The following SUGCT variants were observed in gnomAD, a reference collection of about 807,000 sequenced individuals.
SUGCT encodes succinyl-CoA:glutarate CoA-transferase.
A neutral mutation model predicts 55.0 loss-of-function variants in SUGCT; 41 were observed. The observed-to-expected ratio is 0.74, with a 90% CI of 0.58 to 0.97. SUGCT has a LOEUF of 0.97. SUGCT is among the 50% of genes least tolerant of loss of function. The pLI is 0.00. For synonymous variants in SUGCT, 187 were observed against 200.4 expected (o/e 0.93, Z 0.56); for missense variants, 568 against 547.8 (o/e 1.04, Z -0.37).
intron 13 of SUGCT, among the ~76,000 whole-genome samples, chr7:40,751,579 C>T (rs973691602): frequency 2.0e-5 from 3 of 152,016 alleles, no homozygotes; most frequent in Non-Finnish European, 4.4e-5. Context: ...ATGAAGAATC[C>T]GTAGCTAACA....
chr7:40,159,239 G>A (rs576567077), intron 1 of SUGCT, among the ~76,000 whole-genome samples: 2 of 151,526 alleles, frequency 1.3e-5, no homozygotes, highest in East Asian at 2.0e-4. Flanking sequence ...CTTTATGTCC[G>A]GTTTTTACAC....
At chr7:40,205,265 C>A (rs886827274) in intron 6 of SUGCT, among the ~76,000 whole-genome samples, 2 of 150,338 alleles carry the variant, frequency 1.3e-5, no homozygotes, top group East Asian at 4.0e-4. Flanking sequence ...AACAAAACAA[C>A]AAAACAAAAA....
chr7:40,343,332 C>G (rs1451496404), intron 9 of SUGCT, among the ~76,000 whole-genome samples: 2 of 151,822 alleles, frequency 1.3e-5, no homozygotes, highest in African/African-American at 2.4e-5. Context: ...AAATAATTAC[C>G]AGCATATCAC....
At chr7:40,422,501 T>TAC in intron 9 of SUGCT, among the ~76,000 whole-genome samples, 1 of 152,180 alleles carries the variant, frequency 6.6e-6, no homozygotes, top group African/African-American at 2.4e-5. Context: ...TGGCATTGTA[T>TAC]ATGCCACATT....
chr7:40,171,785 G>A (rs865856883), intron 1 of SUGCT, among the ~76,000 whole-genome samples: 1 of 152,192 alleles, frequency 6.6e-6, no homozygotes, highest in Non-Finnish European at 1.5e-5. Flanking sequence ...CTAGGTATGT[G>A]TTGTCAGTGG....
At chr7:40,577,769 G>A (rs1344694703) in intron 12 of SUGCT, among the ~76,000 whole-genome samples, 1 of 151,858 alleles carries the variant, frequency 6.6e-6, no homozygotes, top group African/African-American at 2.4e-5. Context: ...TTTTCTTTTG[G>A]CATCATATTA....
intron 11 of SUGCT, among the ~76,000 whole-genome samples, chr7:40,488,708 T>C (rs1207677929): frequency 6.6e-6 from 1 of 152,190 alleles, no homozygotes; most frequent in Non-Finnish European, 1.5e-5. Flanking sequence ...ATTTCTCCTT[T>C]ATTTCTGAAG....
intron 13 of SUGCT, among the ~76,000 whole-genome samples, chr7:40,760,623 A>C (rs1199188276): frequency 6.6e-6 from 1 of 152,228 alleles, no homozygotes; most frequent in Non-Finnish European, 1.5e-5. Flanking sequence ...CAGCTACAAC[A>C]AAAATATGAT....
At chr7:40,940,968 C>T in the SUGCT span, among the ~76,000 whole-genome samples, 1 of 151,922 alleles carries the variant, frequency 6.6e-6, no homozygotes, top group South Asian at 2.1e-4. Flanking sequence ...GGGGAAATGC[C>T]TTTGACTTTT....
At chr7:40,422,994 A>G (rs923416940) in intron 9 of SUGCT, among the ~76,000 whole-genome samples, 1 of 152,188 alleles carries the variant, frequency 6.6e-6, no homozygotes, top group Non-Finnish European at 1.5e-5. Flanking sequence ...GCTGAATGTT[A>G]TGAATGAATG....
At chr7:40,622,742 G>A (rs1321875710) in intron 12 of SUGCT, among the ~76,000 whole-genome samples, 1 of 151,796 alleles carries the variant, frequency 6.6e-6, no homozygotes, top group Non-Finnish European at 1.5e-5. Context: ...TCTTTGAAGG[G>A]TGGCTGGCTG....
At chr7:40,481,135 C>T (rs567647621) in intron 11 of SUGCT, among the ~76,000 whole-genome samples, 2 of 152,004 alleles carry the variant, frequency 1.3e-5, no homozygotes, top group African/African-American at 2.4e-5. Flanking sequence ...GGAAGGAGTT[C>T]GAGACCAGCC....
the SUGCT span, among the ~76,000 whole-genome samples, chr7:40,986,007 A>G: frequency 6.6e-6 from 1 of 152,194 alleles, no homozygotes; most frequent in African/African-American, 2.4e-5. Context: ...CTAGGCTGAA[A>G]TGTTTTTAAA....
intron 12 of SUGCT, among the ~76,000 whole-genome samples, chr7:40,531,698 G>A (rs1248938655): frequency 6.6e-6 from 1 of 151,696 alleles, no homozygotes; most frequent in Non-Finnish European, 1.5e-5. Flanking sequence ...TTTGAAATGG[G>A]ATTCTCGCTC....
chr7:40,861,982 G>A (rs1340763951), downstream of SUGCT, among the ~76,000 whole-genome samples: 1 of 152,146 alleles, frequency 6.6e-6, no homozygotes, highest in Non-Finnish European at 1.5e-5. Flanking sequence ...CTTTATGCTT[G>A]TACATTTAAT....
chr7:40,846,365 C>G (rs1793555785), intron 13 of SUGCT, among the ~76,000 whole-genome samples: 1 of 138,476 alleles, frequency 7.2e-6, no homozygotes, highest in African/African-American at 2.8e-5. Flanking sequence ...CACGCAAACA[C>G]TAGTGTTGGA....
intron 12 of SUGCT, among the ~76,000 whole-genome samples, chr7:40,605,388 C>T (rs1798473903): frequency 6.6e-6 from 1 of 152,208 alleles, no homozygotes; most frequent in Non-Finnish European, 1.5e-5. Flanking sequence ...CTCACTCTTT[C>T]CACTCAAGAT....
intron 9 of SUGCT, among the ~76,000 whole-genome samples, chr7:40,443,510 A>G (rs1249458565): frequency 1.3e-5 from 2 of 152,214 alleles, no homozygotes; most frequent in African/African-American, 4.8e-5. Flanking sequence ...TGTTGGCTGC[A>G]TAAATATCTT....
intron 8 of SUGCT, among the ~76,000 whole-genome samples, chr7:40,288,454 C>T (rs574402400): frequency 6.6e-6 from 1 of 152,144 alleles, no homozygotes; most frequent in East Asian, 1.9e-4. Context: ...TAAGATGTCA[C>T]AAAGCTTGCC....
Sources: allele counts gnomAD v4.1 joint callset (sites outside exome capture counted in the v4.1 genomes callset), GRCh38; gene constraint gnomAD v4.1.1; transcripts MANE v1.5; gene names NCBI Gene and HGNC (gene_info 2026-07-23, HGNC 2026-07-21).